SMAP2: variants seen among roughly 807,000 people sequenced by gnomAD.
SMAP2 encodes small ArfGAP2, also known as stromal membrane-associated protein 2.
SMAP2 carries 25 observed loss-of-function variants against 56.4 expected under a neutral mutation model. That is an observed-to-expected ratio of 0.44 (90% CI 0.32 to 0.62). The LOEUF is 0.62. Among genes scored for constraint, SMAP2 ranks in the 20% least tolerant of loss-of-function variants. The pLI, the probability that SMAP2 is intolerant of heterozygous loss-of-function variation, is 0.04. For missense variants in SMAP2, 388 were observed against 545.6 expected (o/e 0.71, Z 2.88); for synonymous variants, 157 against 181.7 (o/e 0.86, Z 1.09).
At chr1:40,391,905 A>G (rs922432906) in intron 1 of SMAP2, among the ~76,000 whole-genome samples, 1 of 152,218 alleles carries the variant, frequency 6.6e-6, no homozygotes, top group Non-Finnish European at 1.5e-5. Flanking sequence ...CCAGGAGATG[A>G]AGACAGTAAC....
At chr1:40,401,417 G>A (rs1381098693) in intron 1 of SMAP2, among the ~76,000 whole-genome samples, 1 of 152,168 alleles carries the variant, frequency 6.6e-6, no homozygotes, top group African/African-American at 2.4e-5. Context: ...TAGCCTGCCC[G>A]TTGAACTTTT....
chr1:40,380,719 G>C (rs1282308492), intron 1 of SMAP2, among the ~76,000 whole-genome samples: 1 of 151,784 alleles, frequency 6.6e-6, no homozygotes, highest in Non-Finnish European at 1.5e-5. Context: ...TTAGTAGAGA[G>C]GGGTTTCATC....
intron 1 of SMAP2, chr1:40,393,440 A>G (rs1359431457): frequency 1.3e-6 from 2 of 1,535,272 alleles, no homozygotes; most frequent in Non-Finnish European, 1.7e-6. Flanking sequence ...GCAGAGCAAG[A>G]TTTGCACAAA....
At chr1:40,391,160 G>A (rs1440258942) in intron 1 of SMAP2, among the ~76,000 whole-genome samples, 1 of 152,120 alleles carries the variant, frequency 6.6e-6, no homozygotes, top group African/African-American at 2.4e-5. Flanking sequence ...TGCCCCTTGA[G>A]GGGAAATCGT....
intron 4 of SMAP2, among the ~76,000 whole-genome samples, chr1:40,410,078 A>G (rs1263554930): frequency 6.6e-6 from 1 of 151,854 alleles, no homozygotes; most frequent in Non-Finnish European, 1.5e-5. Flanking sequence ...CCCCATCTCT[A>G]CAAAAAATTT....
At chr1:40,397,882 G>C (rs549837688) in intron 1 of SMAP2, among the ~76,000 whole-genome samples, 1 of 152,276 alleles carries the variant, frequency 6.6e-6, no homozygotes, top group South Asian at 2.1e-4. Context: ...AGCCATTCCA[G>C]GTAGAAAGAA....
intron 9 of SMAP2, 94 bp from the exon 10 acceptor site, chr1:40,421,882 C>A (rs1328219009): frequency 1.4e-6 from 2 of 1,430,564 alleles, no homozygotes; most frequent in Non-Finnish European, 9.8e-7. Flanking sequence ...TCATTCTCCC[C>A]ATCCTGGCAG....
At chr1:40,359,782 A>T (rs1285992525) in intron 1 of SMAP2, among the ~76,000 whole-genome samples, 1 of 152,182 alleles carries the variant, frequency 6.6e-6, no homozygotes. Context: ...TTGCGTAAAC[A>T]GACAAGCAAA....
At chr1:40,402,478 G>A (rs1388733632) in intron 1 of SMAP2, among the ~76,000 whole-genome samples, 1 of 151,798 alleles carries the variant, frequency 6.6e-6, no homozygotes, top group Non-Finnish European at 1.5e-5. Context: ...TTGAGACAAG[G>A]TCTCGCTGTC....
rs564574189 is a variant in SMAP2 at position 40,388,917 on chromosome 1, G to A, written c.103+14694G>A. On this transcript the variant is annotated intron_variant, in intron 1 of 9. Coordinates refer to ENST00000372718, the MANE Select transcript of SMAP2 (RefSeq NM_022733.3). ...AGACCACGAACCCACCGGGAGGAAC[G>A]AACAATTCCAGACGCGCTGCCTTAA... 7.9e-5 allele frequency among the ~76,000 whole-genome samples: 12 copies of A among 151,950 alleles called. No individual in the cohort carries two copies. In the South Asian group the frequency reaches 1.5e-3, roughly 18 times the overall value.
At chr1:40,370,712 A>T, upstream of SMAP2, among the ~76,000 whole-genome samples, 1 of 91,362 alleles carries the variant, frequency 1.1e-5, no homozygotes, top group South Asian at 4.2e-4. Flanking sequence ...GTGGTGGGGT[A>T]GGGGGAGGGG....
chr1:40,373,499 T>A (rs1456050901), upstream of SMAP2, among the ~76,000 whole-genome samples: 2 of 152,184 alleles, frequency 1.3e-5, no homozygotes, highest in Non-Finnish European at 2.9e-5. Context: ...TTCCATTCCC[T>A]CCACTCCCTT....
Position 40,422,239 on chromosome 1 carries a change from G to A in SMAP2, c.*138G>A, listed in dbSNP as rs1440489701. 2 of 1,215,710 alleles carry A rather than the reference G, an allele frequency of 1.6e-6. No individual in the cohort carries two copies. The highest frequency in any genetic ancestry group is 2.6e-5 in the East Asian group (1 of 38,446). The allele number at this position is 1,215,710 out of a possible 1,614,324, so 75.3% of individuals were successfully genotyped here. ...TGCTCAATAAGTCATTTGGGGTTTG[G>A]CATCCTGCCCAGCCACTTCCCAAAC... On this transcript the variant is annotated 3_prime_UTR_variant, in exon 10 of 10. Coordinates refer to ENST00000372718, the MANE Select transcript of SMAP2 (RefSeq NM_022733.3).
chr1:40,362,849 G>A (rs1310881363), intron 2 of SMAP2, among the ~76,000 whole-genome samples: 2 of 152,158 alleles, frequency 1.3e-5, no homozygotes, highest in Non-Finnish European at 2.9e-5. Context: ...TAGTGAAGGG[G>A]AATTCCAGGG....
At chr1:40,356,163 A>C (rs890548942) in intron 1 of SMAP2, among the ~76,000 whole-genome samples, 10 of 152,168 alleles carry the variant, frequency 6.6e-5, no homozygotes, top group African/African-American at 2.2e-4. Context: ...AGAGGATCTC[A>C]TTCTTTCTTA....
At chr1:40,356,423 T>C (rs1027632011) in intron 1 of SMAP2, among the ~76,000 whole-genome samples, 1 of 151,146 alleles carries the variant, frequency 6.6e-6, no homozygotes, top group African/African-American at 2.4e-5. Context: ...TTGTTTTTTT[T>C]TTTTTGAGAC....
At chr1:40,391,272 C>G (rs924670823) in intron 1 of SMAP2, among the ~76,000 whole-genome samples, 4 of 152,156 alleles carry the variant, frequency 2.6e-5, no homozygotes, top group African/African-American at 9.7e-5. Context: ...TGCTTATTAC[C>G]TGTTTAATCA....
At chr1:40,358,698 C>T (rs1036619706) in intron 1 of SMAP2, among the ~76,000 whole-genome samples, 10 of 152,098 alleles carry the variant, frequency 6.6e-5, no homozygotes, top group East Asian at 5.8e-4. Context: ...ATATGTATTC[C>T]GCAGCTGTTG....
chr1:40,352,274 C>T (rs891422698), intron 1 of SMAP2, among the ~76,000 whole-genome samples: 1 of 152,142 alleles, frequency 6.6e-6, no homozygotes, highest in Non-Finnish European at 1.5e-5. Context: ...CTCAGCACAG[C>T]ATACAAGGCC....
Sources: gnomAD v4.1 joint callset for allele counts (sites outside exome capture counted in the v4.1 genomes callset) on GRCh38, gnomAD v4.1.1 for gene constraint, MANE v1.5 for transcripts, NCBI Gene and HGNC (gene_info 2026-07-23, HGNC 2026-07-21) for gene names.